The following CTDSP1 variants were observed in gnomAD, a reference collection of about 807,000 sequenced individuals.
CTDSP1 encodes CTD small phosphatase 1.
A neutral mutation model predicts 32.5 loss-of-function variants in CTDSP1; 15 were observed. The ratio of observed to expected loss-of-function variants is 0.46; its 90% CI spans 0.31 to 0.71. The LOEUF (loss-of-function observed/expected upper bound fraction) is 0.71. Ranked by LOEUF, CTDSP1 falls within the 30% of genes least tolerant of loss-of-function variation. The pLI, the probability that CTDSP1 is intolerant of heterozygous loss-of-function variation, is 0.05. For synonymous variants in CTDSP1, 185 were observed against 145.4 expected (o/e 1.27, Z -1.96); for missense variants, 294 against 351.1 (o/e 0.84, Z 1.30).
upstream of CTDSP1, among the ~76,000 whole-genome samples, chr2:218,397,095 G>A (rs1287239501): frequency 6.6e-6 from 1 of 152,198 alleles, no homozygotes; most frequent in Non-Finnish European, 1.5e-5. Context: ...GTGCACATCT[G>A]CCAAGACCTG....
upstream of CTDSP1, chr2:218,398,329 A>C (rs1696927451): frequency 1.6e-6 from 2 of 1,261,030 alleles, no homozygotes; most frequent in Non-Finnish European, 1.1e-6. Context: ...GGCCGTTCTA[A>C]GGGGTAAATG....
At chr2:218,400,713 G>A (rs1209080681) in intron 1 of CTDSP1, 2 of 455,922 alleles carry the variant, frequency 4.4e-6, no homozygotes, top group Middle Eastern at 3.3e-4. Flanking sequence ...CAGAGAGGAC[G>A]GCCGGCACTT....
upstream of CTDSP1, among the ~76,000 whole-genome samples, chr2:218,398,032 G>A (rs754155383): frequency 6.6e-6 from 1 of 152,182 alleles, no homozygotes; most frequent in Non-Finnish European, 1.5e-5. Context: ...CAGCCGGCCA[G>A]GTACCAGCCC....
Position 218,400,073 on chromosome 2 carries a change from C to G in CTDSP1, c.-18C>G, listed in dbSNP as rs1348633641. ...CGCCCGGGCCAGAGTCCGGCCGGAG[C>G]GGAGCGCGCCCGGCCCCATGGACAG... On this transcript the variant is annotated 5_prime_UTR_variant, in exon 1 of 7. Coordinates refer to ENST00000273062, the MANE Select transcript of CTDSP1 (RefSeq NM_021198.3). 7.0e-7 allele frequency: 1 copy of G among 1,421,380 alleles called. No homozygotes were observed. The highest frequency in any genetic ancestry group is 9.2e-7 in the Non-Finnish European group (1 of 1,085,532). The allele number at this position is 1,421,380 out of a possible 1,614,324, so 88.0% of individuals were successfully genotyped here.
Position 218,399,980 on chromosome 2 carries a change from T to TTGCCGCC in CTDSP1, c.-111_-110insTGCCGCC. On this transcript the variant is annotated 5_prime_UTR_variant, in exon 1 of 7. Coordinates refer to ENST00000273062, the MANE Select transcript of CTDSP1 (RefSeq NM_021198.3). ...CCCTCCCCTCCGGAGCTCGCGGGGA[T>TTGCCGCC]CCCTCCCTCCCACCCCTCCCCTCCC... is the stretch of plus-strand genomic sequence containing the variant. The TTGCCGCC allele has an allele frequency of 1.1e-6, 1 of 946,502 alleles. No homozygotes were observed. The highest frequency in any genetic ancestry group is 1.3e-6 in the Non-Finnish European group (1 of 770,556). 58.6% of individuals were successfully genotyped at this position (946,502 alleles called of 1,614,324 possible).
chr2:218,400,480 G>C (rs1697066552), intron 1 of CTDSP1: 1 of 445,018 alleles, frequency 2.2e-6, no homozygotes, highest in African/African-American at 2.0e-5. Flanking sequence ...CGCCAATGGG[G>C]CTGGGAGATG....
Position 218,402,112 on chromosome 2 carries a change from A to G in CTDSP1, c.218A>G (p.Gln73Arg). The change falls in exon 3 of 7, where the codon CAG becomes CGG. Residue 73 changes from glutamine (Q) to arginine (R), a missense_variant and splice_region_variant. This residue lies in a region of CTDSP1 where 148 missense variants were observed against 113.3 expected (regional missense o/e 1.31). Coordinates refer to ENST00000273062, the MANE Select transcript of CTDSP1 (RefSeq NM_021198.3). ...LVEENGAIPK[Q>R]TPVQYLLPEA... ...CAGCCAGCCCCGCCCTCCCTACAGCAGACCCCAGTCCAATACCTGCTCCCT... is the reference window on the plus strand; with the variant it reads ...CAGCCAGCCCCGCCCTCCCTACAGCGGACCCCAGTCCAATACCTGCTCCCT... The G allele has an allele frequency of 6.2e-7, 1 of 1,610,492 alleles. No individual in the cohort carries two copies.
At chr2:218,398,393 G>C, upstream of CTDSP1, 3 of 1,535,272 alleles carry the variant, frequency 2.0e-6, no homozygotes, top group Non-Finnish European at 2.6e-6. Flanking sequence ...AGCGTGTGGC[G>C]ATCACGGTGA....
intron 1 of CTDSP1, chr2:218,401,029 G>T (rs1481818486): frequency 2.3e-6 from 1 of 432,936 alleles, no homozygotes; most frequent in Non-Finnish European, 4.7e-6. Flanking sequence ...CCAGGTCGGA[G>T]GTCTGGGCGG....
chr2:218,398,583 C>G (rs1374373080), upstream of CTDSP1: 4 of 764,558 alleles, frequency 5.2e-6, no homozygotes, highest in South Asian at 4.5e-5. Flanking sequence ...CCCTCCCGGC[C>G]CCCGCGCGGG....
At chr2:218,400,545 CA>C in intron 1 of CTDSP1, 1 of 378,338 alleles carries the variant, frequency 2.6e-6, no homozygotes, top group Non-Finnish European at 5.1e-6. Flanking sequence ...CCCCACCCCC[CA>C]CCCCCACCCC....
Position 218,404,609 on chromosome 2 carries a change from C to T in CTDSP1, c.*184C>T, listed in dbSNP as rs1456456858. The T allele has an allele frequency of 2.4e-5, 16 of 661,508 alleles. No homozygotes were observed. Among genetic ancestry groups the T allele is most frequent in the African/African-American group, 7.3e-5 (4 of 54,714 alleles). 41.0% of individuals were successfully genotyped at this position (661,508 alleles called of 1,614,324 possible). On this transcript the variant is annotated 3_prime_UTR_variant, in exon 7 of 7. Transcript: ENST00000273062. ...AGGGGCAGCAGGCTGCACTGAGGACCGTGAGCTCCAGGCCCCGTGTCAGTG... is the reference window on the plus strand; with the variant it reads ...AGGGGCAGCAGGCTGCACTGAGGACTGTGAGCTCCAGGCCCCGTGTCAGTG...
rs1697031425 is a variant in CTDSP1 at position 218,400,050 on chromosome 2, C to G, written c.-41C>G. ...CCCCAGCCGGGGGGGAGGCCGGGCG[C>G]CCGGGCCAGAGTCCGGCCGGAGCGG... On this transcript the variant is annotated 5_prime_UTR_variant, in exon 1 of 7. Transcript: ENST00000273062. 7.4e-7 allele frequency: 1 copy of G among 1,353,028 alleles called. No homozygotes were observed. The highest frequency in any genetic ancestry group is 4.0e-5 in the Admixed American group (1 of 25,196). 83.8% of individuals were successfully genotyped at this position (1,353,028 alleles called of 1,614,324 possible).
rs999022783 is a variant in CTDSP1 at position 218,403,112 on chromosome 2, T to A, written c.456T>A (p.Thr152=). The part of the protein sequence containing the change: ...MGELFECVLF[T]ASLAKYADPV... ...AGCTCTTTGAATGTGTGCTGTTCAC[T>A]GCTAGCCTCGCCAAGGTGAGCCCCA... The change falls in exon 5 of 7, where the codon ACT becomes ACA. Residue 152 remains threonine (T), a synonymous_variant. Coordinates refer to ENST00000273062, the MANE Select transcript of CTDSP1 (RefSeq NM_021198.3). The A allele has an allele frequency of 5.6e-6, 9 of 1,614,016 alleles. No homozygotes were observed. The Admixed American group carries it at 1.2e-4, about 21-fold the overall frequency.
chr2:218,396,383 C>G (rs1696768204), upstream of CTDSP1: 1 of 152,460 alleles, frequency 6.6e-6, no homozygotes, highest in Non-Finnish European at 1.5e-5. Context: ...AGCCCAGGAC[C>G]TGCGGAGGGC....
At chr2:218,397,051 G>A (rs1178913263), upstream of CTDSP1, among the ~76,000 whole-genome samples, 1 of 152,182 alleles carries the variant, frequency 6.6e-6, no homozygotes, top group Non-Finnish European at 1.5e-5. Flanking sequence ...CAGCCCAGGA[G>A]GAATGAGAGT....
At chr2:218,397,932 G>A (rs367652398), upstream of CTDSP1, among the ~76,000 whole-genome samples, 8 of 152,244 alleles carry the variant, frequency 5.3e-5, no homozygotes, top group East Asian at 9.6e-4. Flanking sequence ...ACGGCTTGAA[G>A]TGGCGATAAG....
Position 218,402,372 on chromosome 2 carries a change from CA to C in CTDSP1, c.346del (p.Ile116SerfsTer15), listed in dbSNP as rs1697191372. The stretch of plus-strand genomic sequence containing the variant: ...AGCCAGTGAACAACGCGGACTTCAT[CA>C]TCCCTGTGGAGATTGATGGGGTGGT... ...FKPVNNADFI[I>X]PVEIDGVVHQ... On this transcript the variant is annotated frameshift_variant, in exon 4 of 7. Transcript: ENST00000273062. LOFTEE classifies it high-confidence loss of function. 1 of 1,613,006 alleles carries C rather than the reference CA, an allele frequency of 6.2e-7. No homozygotes were observed. Among genetic ancestry groups the C allele is most frequent in the Non-Finnish European group, 8.5e-7 (1 of 1,179,466 alleles).
chr2:218,400,624 A>C (rs1315016270), intron 1 of CTDSP1: 1 of 410,072 alleles, frequency 2.4e-6, no homozygotes, highest in East Asian at 7.2e-5. Context: ...GGAGGCTTGG[A>C]GGGATCTCCC....
Sources: gnomAD v4.1 joint callset for allele counts (sites outside exome capture counted in the v4.1 genomes callset) on GRCh38, gnomAD v4.1.1 for gene constraint, gnomAD v4.1.1 regional missense constraint, MANE v1.5 for transcripts, NCBI Gene and HGNC (gene_info 2026-07-23, HGNC 2026-07-21) for gene names.